Variants in LUZP2 observed in about 807,000 individuals in gnomAD.
LUZP2 encodes the protein leucine zipper protein 2.
A neutral mutation model predicts 51.6 loss-of-function variants in LUZP2; 52 were observed. The observed-to-expected ratio is 1.01, with a 90% CI of 0.81 to 1.27. The LOEUF (loss-of-function observed/expected upper bound fraction) is 1.27. Ranked by LOEUF, LUZP2 falls within the 50% of genes most tolerant of loss-of-function variation. LUZP2 has a pLI of 0.00. For synonymous variants in LUZP2, 154 were observed against 137.3 expected, an observed-to-expected ratio of 1.12 and a Z score of -0.85; for missense variants, 436 against 395.4, an observed-to-expected ratio of 1.10 and a Z score of -0.87.
intron 1 of LUZP2, among the ~76,000 whole-genome samples, chr11:24,630,269 C>T (rs1337416815): frequency 6.6e-6 from 1 of 151,904 alleles, no homozygotes; most frequent in Non-Finnish European, 1.5e-5. Context: ...TTTGCCTAGG[C>T]CAAGGTCCAG....
At chr11:25,008,921 G>A (rs1329843249) in intron 9 of LUZP2, among the ~76,000 whole-genome samples, 1 of 152,186 alleles carries the variant, frequency 6.6e-6, no homozygotes, top group Non-Finnish European at 1.5e-5. Flanking sequence ...TCTCACTCTG[G>A]TAGTAGGCTC....
chr11:25,016,025 A>G (rs1173163838), intron 9 of LUZP2, among the ~76,000 whole-genome samples: 1 of 150,488 alleles, frequency 6.6e-6, no homozygotes, highest in Non-Finnish European at 1.5e-5. Flanking sequence ...GGTTCACGCC[A>G]TTCTCCTGCC....
chr11:24,712,439 AAC>A (rs1230712007), intron 1 of LUZP2, among the ~76,000 whole-genome samples: 1 of 152,148 alleles, frequency 6.6e-6, no homozygotes, highest in African/African-American at 2.4e-5. Flanking sequence ...ATTAATTCCC[AAC>A]ACATCATCAT....
At chr11:24,717,836 C>T (rs980491656) in intron 1 of LUZP2, among the ~76,000 whole-genome samples, 4 of 148,866 alleles carry the variant, frequency 2.7e-5, no homozygotes, top group African/African-American at 1.0e-4. Context: ...TACTTATAAA[C>T]GAGAGCATGT....
At chr11:24,939,330 A>C (rs527564337) in intron 7 of LUZP2, among the ~76,000 whole-genome samples, 1 of 152,144 alleles carries the variant, frequency 6.6e-6, no homozygotes, top group Non-Finnish European at 1.5e-5. Flanking sequence ...TCCTCAGTCT[A>C]GTAAGGGAGA....
At chr11:24,793,351 G>A (rs538804630) in intron 5 of LUZP2, among the ~76,000 whole-genome samples, 3 of 152,214 alleles carry the variant, frequency 2.0e-5, no homozygotes, top group Admixed American at 6.5e-5. Flanking sequence ...GTAATCCCAT[G>A]GGCCTGAATC....
intron 1 of LUZP2, among the ~76,000 whole-genome samples, chr11:24,526,587 G>T (rs1850814571): frequency 6.6e-6 from 1 of 151,130 alleles, no homozygotes. Context: ...TATGTTCCAT[G>T]GGACGTTGTT....
At chr11:24,691,523 T>C (rs555662921) in intron 1 of LUZP2, among the ~76,000 whole-genome samples, 14 of 150,508 alleles carry the variant, frequency 9.3e-5, no homozygotes, top group African/African-American at 2.9e-4. Flanking sequence ...ACCCACCAAA[T>C]CTGGACTTGC....
intron 1 of LUZP2, 169 bp from the exon 2 acceptor site, chr11:24,729,000 A>G (rs1013612226): frequency 2.5e-6 from 1 of 408,014 alleles, no homozygotes. Flanking sequence ...TTGTTATAAA[A>G]TGGGGTTTTC....
At chr11:24,971,591 C>T (rs747967489) in intron 7 of LUZP2, among the ~76,000 whole-genome samples, 4 of 151,892 alleles carry the variant, frequency 2.6e-5, no homozygotes, top group East Asian at 1.9e-4. Flanking sequence ...ATGCAATATC[C>T]GCATGTAACA....
chr11:24,905,900 A>T, intron 5 of LUZP2, 91 bp from the exon 6 acceptor site: 1 of 848,620 alleles, frequency 1.2e-6, no homozygotes, highest in South Asian at 1.7e-5. Context: ...CTAATTTTTG[A>T]ACAGAACATA....
Position 24,998,001 on chromosome 11 carries a change from C to T in LUZP2, c.765+14708C>T, listed in dbSNP as rs1158590402. Among the ~76,000 whole-genome samples, 3 of 152,146 alleles carry T rather than the reference C, an allele frequency of 2.0e-5. No individual in the cohort carries two copies. In the East Asian group the frequency reaches 5.8e-4, roughly 29 times the overall value. ...TGTATCTCTGTTTTGGTACCAGTAC[C>T]ATCCTGTTTGGGTTACTGTAGCCTT... On this transcript the variant is annotated intron_variant, in intron 9 of 11. Coordinates refer to ENST00000336930, the MANE Select transcript of LUZP2 (RefSeq NM_001009909.4).
intron 9 of LUZP2, among the ~76,000 whole-genome samples, chr11:25,047,348 T>A (rs199754783): frequency 6.3e-5 from 2 of 31,502 alleles, no homozygotes; most frequent in African/African-American, 8.8e-5. Flanking sequence ...TTATTTTTTT[T>A]TTTTTTACTT....
intron 7 of LUZP2, among the ~76,000 whole-genome samples, chr11:24,934,358 T>A (rs2133839086): frequency 6.6e-6 from 1 of 152,284 alleles, no homozygotes; most frequent in African/African-American, 2.4e-5. Context: ...CACATTTAGG[T>A]ATTGATAAAA....
At chr11:24,651,285 C>G (rs1170477703) in intron 1 of LUZP2, among the ~76,000 whole-genome samples, 1 of 152,044 alleles carries the variant, frequency 6.6e-6, no homozygotes, top group East Asian at 1.9e-4. Context: ...TAGTTCATTC[C>G]TTGAGAGCTC....
At position 25,080,893 on chromosome 11, in the gene LUZP2, A is replaced by G. The variant is rs1161515704; in HGVS notation, c.*2235A>G. 1 of 152,196 alleles carries G rather than the reference A, an allele frequency of 6.6e-6. No homozygotes were observed. The highest frequency in any genetic ancestry group is 2.4e-5 in the African/African-American group (1 of 41,448). 9.4% of individuals were successfully genotyped at this position (152,196 alleles called of 1,614,324 possible). A position where few individuals can be genotyped will look rare whatever the true frequency, so the allele number is the denominator to read the frequency against. ...TCCTGAAATTGTTATGAGAGATAACATGTTGAAAGGTAAGAACTCAGGTTG... is the reference window on the plus strand; with the variant it reads ...TCCTGAAATTGTTATGAGAGATAACGTGTTGAAAGGTAAGAACTCAGGTTG... On this transcript the variant is annotated 3_prime_UTR_variant, in exon 12 of 12. Transcript: ENST00000336930.
At chr11:24,974,666 A>T (rs1426146881) in intron 7 of LUZP2, among the ~76,000 whole-genome samples, 1 of 152,104 alleles carries the variant, frequency 6.6e-6, no homozygotes, top group Admixed American at 6.6e-5. Flanking sequence ...ATTAACCCAT[A>T]TAGATATGGC....
At chr11:25,066,390 C>T (rs368602708) in intron 10 of LUZP2, among the ~76,000 whole-genome samples, 12 of 151,728 alleles carry the variant, frequency 7.9e-5, no homozygotes, top group East Asian at 1.9e-4. Context: ...TTAAATGATA[C>T]GTGGGAGTTT....
intron 7 of LUZP2, among the ~76,000 whole-genome samples, chr11:24,958,596 G>T (rs1023840562): frequency 6.6e-6 from 1 of 151,780 alleles, no homozygotes; most frequent in African/African-American, 2.4e-5. Context: ...TTTTTGATGG[G>T]GTTGTTTGTT....
Sources: allele counts gnomAD v4.1 joint callset (sites outside exome capture counted in the v4.1 genomes callset), GRCh38; gene constraint gnomAD v4.1.1; transcripts MANE v1.5; gene names NCBI Gene and HGNC (gene_info 2026-07-23, HGNC 2026-07-21).